ORC4: variants seen among roughly 807,000 people sequenced by gnomAD.
ORC4 encodes the protein origin recognition complex subunit 4.
Under a neutral mutation model 63.9 loss-of-function variants are expected in ORC4, and 55 were observed. The ratio of observed to expected loss-of-function variants is 0.86; its 90% CI spans 0.69 to 1.08. The LOEUF is 1.08. Among genes scored for constraint, ORC4 ranks in the 50% least tolerant of loss-of-function variants. ORC4 has a pLI of 0.00. For missense variants in ORC4, 511 were observed against 504.4 expected, an observed-to-expected ratio of 1.01 and a Z score of -0.13; for synonymous variants, 150 against 168.5, an observed-to-expected ratio of 0.89 and a Z score of 0.85.
At chr2:147,957,105 ATATAT>A (rs1279742777) in intron 6 of ORC4, among the ~76,000 whole-genome samples, 23 of 147,910 alleles carry the variant, frequency 1.6e-4, no homozygotes, top group African/African-American at 3.9e-4. Flanking sequence ...TTATAGATTA[ATATAT>A]TATATTAATA....
At chr2:147,945,707 T>A (rs1247868919) in intron 9 of ORC4, among the ~76,000 whole-genome samples, 1 of 152,142 alleles carries the variant, frequency 6.6e-6, no homozygotes, top group Non-Finnish European at 1.5e-5. Context: ...CCTGAAGATA[T>A]TTCTTGGATG....
Position 147,935,120 on chromosome 2 carries a change from G to A in ORC4, c.*390C>T, listed in dbSNP as rs1248245729. Reference sequence around the variant, plus strand: ...CTGCAGCAAACCTGCTGTACCAAAGGTTACTTATTATACTTCAGTGCTTAC... The same window carrying A: ...CTGCAGCAAACCTGCTGTACCAAAGATTACTTATTATACTTCAGTGCTTAC... On this transcript the variant is annotated 3_prime_UTR_variant, in exon 14 of 14. Transcript: ENST00000392857. The A allele has an allele frequency of 1.7e-5, 3 of 179,276 alleles. No individual in the cohort carries two copies. The highest frequency in any genetic ancestry group is 2.8e-3 in the Middle Eastern group (1 of 354). 11.1% of individuals were successfully genotyped at this position (179,276 alleles called of 1,614,324 possible).
At chr2:147,945,416 A>G (rs1258401638) in intron 9 of ORC4, among the ~76,000 whole-genome samples, 2 of 152,056 alleles carry the variant, frequency 1.3e-5, no homozygotes, top group Non-Finnish European at 2.9e-5. Context: ...CATTTAAACA[A>G]AAAAAATTGT....
At chr2:147,976,790 ACT>A (rs750510301) in intron 1 of ORC4, among the ~76,000 whole-genome samples, 10 of 152,156 alleles carry the variant, frequency 6.6e-5, no homozygotes, top group Non-Finnish European at 1.2e-4. Flanking sequence ...TTTAATTGCT[ACT>A]GTTTCCAAAT....
intron 4 of ORC4, among the ~76,000 whole-genome samples, chr2:147,959,821 T>C (rs1689483284): frequency 6.6e-6 from 1 of 152,222 alleles, no homozygotes; most frequent in South Asian, 2.1e-4. Flanking sequence ...CTACCAGTAA[T>C]AGCCCAACTG....
chr2:148,011,175 A>G (rs2105464399), intron 1 of ORC4, among the ~76,000 whole-genome samples: 1 of 152,286 alleles, frequency 6.6e-6, no homozygotes, highest in Admixed American at 6.5e-5. Flanking sequence ...CAACAACAAC[A>G]AAAAAGAAAC....
At chr2:147,998,897 A>G (rs180741878) in intron 1 of ORC4, among the ~76,000 whole-genome samples, 3 of 152,196 alleles carry the variant, frequency 2.0e-5, no homozygotes, top group Admixed American at 1.3e-4. Flanking sequence ...CAGTGCTTTG[A>G]GCAAGATCAG....
At chr2:147,992,898 C>T (rs1248911632) in intron 1 of ORC4, among the ~76,000 whole-genome samples, 1 of 152,174 alleles carries the variant, frequency 6.6e-6, no homozygotes, top group Non-Finnish European at 1.5e-5. Context: ...AAATATATTA[C>T]TCTAATGTTC....
chr2:147,986,897 G>A (rs538768798), intron 1 of ORC4, among the ~76,000 whole-genome samples: 3 of 151,450 alleles, frequency 2.0e-5, no homozygotes, highest in Non-Finnish European at 4.4e-5. Flanking sequence ...AACATAAGTC[G>A]TTACACAGTG....
chr2:147,942,100 G>T (rs1358789036), intron 10 of ORC4, among the ~76,000 whole-genome samples: 1 of 151,972 alleles, frequency 6.6e-6, no homozygotes, highest in Non-Finnish European at 1.5e-5. Context: ...TTAGGGGTAA[G>T]AATAAAAAAT....
At chr2:147,955,305 T>A in intron 7 of ORC4, 42 bp downstream of exon 7, 1 of 1,403,250 alleles carries the variant, frequency 7.1e-7, no homozygotes, top group Non-Finnish European at 1.0e-6. Context: ...AAAATAAAGT[T>A]AAAACAGATC....
At chr2:147,954,332 A>G (rs1689129454) in intron 7 of ORC4, among the ~76,000 whole-genome samples, 1 of 152,218 alleles carries the variant, frequency 6.6e-6, no homozygotes, top group Non-Finnish European at 1.5e-5. Context: ...ATGTATTGTT[A>G]GGTGACTGCA....
At chr2:147,969,986 A>G (rs1170939328) in intron 4 of ORC4, among the ~76,000 whole-genome samples, 2 of 152,112 alleles carry the variant, frequency 1.3e-5, no homozygotes, top group African/African-American at 4.8e-5. Flanking sequence ...AAAAAAACTA[A>G]TGGAATTGAG....
rs542883074 is a variant in ORC4, at chr2:147,932,168, A to G, written c.*3342T>C. ...CATTCTTATACACCAACAACAGACA[A>G]ACAGAGAGCCAAATCATGAGTGAAC... On this transcript the variant is annotated 3_prime_UTR_variant, in exon 14 of 14. Transcript: ENST00000392857. 6.7e-6 allele frequency: 1 copy of G among 149,144 alleles called. No individual in the cohort carries two copies. Among genetic ancestry groups the G allele is most frequent in the Admixed American group, 6.7e-5 (1 of 14,970 alleles). The allele number at this position is 149,144 out of a possible 1,614,324, so 9.2% of individuals were successfully genotyped here.
At chr2:147,971,145 A>G (rs1455065600) in intron 4 of ORC4, among the ~76,000 whole-genome samples, 1 of 151,862 alleles carries the variant, frequency 6.6e-6, no homozygotes, top group Non-Finnish European at 1.5e-5. Context: ...CTTGTAAGTA[A>G]GTAAGTAAAA....
At chr2:148,001,819 T>C (rs1259186006) in intron 1 of ORC4, among the ~76,000 whole-genome samples, 1 of 152,050 alleles carries the variant, frequency 6.6e-6, no homozygotes, top group Non-Finnish European at 1.5e-5. Context: ...ACTGGCAAAT[T>C]GGATAAAGAG....
At chr2:147,940,904 T>C (rs1426279099) in intron 10 of ORC4, among the ~76,000 whole-genome samples, 3 of 152,070 alleles carry the variant, frequency 2.0e-5, no homozygotes, top group Admixed American at 2.0e-4. Context: ...TTAAGAAATA[T>C]GATTTTAGAG....
chr2:147,957,394 C>T (rs745810002), intron 6 of ORC4, among the ~76,000 whole-genome samples: 4 of 151,848 alleles, frequency 2.6e-5, no homozygotes, highest in South Asian at 4.1e-4. Flanking sequence ...GCGATGCCAC[C>T]GCATGGTCAC....
intron 1 of ORC4, among the ~76,000 whole-genome samples, chr2:148,017,933 A>G (rs1264812658): frequency 6.6e-6 from 1 of 152,208 alleles, no homozygotes; most frequent in Admixed American, 6.5e-5. Context: ...TGTTATCTGG[A>G]GTTTAAACTA....
Sources: allele counts gnomAD v4.1 joint callset (sites outside exome capture counted in the v4.1 genomes callset), GRCh38; gene constraint gnomAD v4.1.1; transcripts MANE v1.5; gene names NCBI Gene and HGNC (gene_info 2026-07-23, HGNC 2026-07-21).